The following FEZF1 variants were observed in gnomAD, a reference collection of about 807,000 sequenced individuals.
FEZF1 encodes the protein fez family zinc finger protein 1.
FEZF1 carries 8 observed loss-of-function variants against 32.4 expected under a neutral mutation model. That is an observed-to-expected ratio of 0.25 (90% CI 0.15 to 0.45). FEZF1 has a LOEUF of 0.45. Among genes scored for constraint, FEZF1 ranks in the 20% least tolerant of loss-of-function variants. The pLI is 1.00. For missense variants in FEZF1, 546 were observed against 622.3 expected (o/e 0.88, Z 1.31); for synonymous variants, 259 against 265.2 (o/e 0.98, Z 0.23).
chr7:122,309,495 G>A (rs2031369305), upstream of FEZF1: 1 of 152,200 alleles, frequency 6.6e-6, no homozygotes. Context: ...TGTTAATGAG[G>A]TGGCAGGCAA....
Position 122,301,897 on chromosome 7 carries a change from C to T in FEZF1, c.*100G>A, listed in dbSNP as rs1185656304. 5 of 1,489,166 alleles carry T rather than the reference C, an allele frequency of 3.4e-6. No homozygotes were observed. The African/African-American group carries it at 7.0e-5, about 21-fold the overall frequency. The allele number at this position is 1,489,166 out of a possible 1,614,324, so 92.2% of individuals were successfully genotyped here. ...GTCGGCCCTGAAGTGTGGGGCCCAACATGCCCTGGGGTCTGCAGACGAACT... is the reference window on the plus strand; with the variant it reads ...GTCGGCCCTGAAGTGTGGGGCCCAATATGCCCTGGGGTCTGCAGACGAACT... On this transcript the variant is annotated 3_prime_UTR_variant, in exon 4 of 4. Coordinates refer to ENST00000442488, the MANE Select transcript of FEZF1 (RefSeq NM_001024613.4).
At position 122,302,977 on chromosome 7, in the gene FEZF1, T is replaced by G. The variant is rs2031100008; in HGVS notation, c.937-46A>C. 1 of 1,570,334 alleles carries G rather than the reference T, an allele frequency of 6.4e-7. No individual in the cohort carries two copies. Among genetic ancestry groups the G allele is most frequent in the African/African-American group, 1.4e-5 (1 of 73,320 alleles). Reference sequence around the variant, plus strand: ...GCAGAGACATTTAGATATTTTCTAATTATGTGAAGTTCTGCAAGCTCAAAA... The same window carrying G: ...GCAGAGACATTTAGATATTTTCTAAGTATGTGAAGTTCTGCAAGCTCAAAA... On this transcript the variant is annotated intron_variant, in intron 2 of 3. Coordinates refer to ENST00000442488, the MANE Select transcript of FEZF1 (RefSeq NM_001024613.4). This position sits in a 1 kb window ranked among gnomAD's most constrained non-coding sequence, Gnocchi z 4.4.
chr7:122,302,082 T>G lies in FEZF1; in HGVS notation c.1343A>C (p.Gln448Pro), dbSNP rs561681709. Residue 448 changes from glutamine (Q) to proline (P), a missense_variant, in exon 4 of 4, where the codon CAG becomes CCG. Physicochemically the swap from Gln to Pro is moderately conservative, Grantham distance 76. Transcript: ENST00000442488. This position sits in a 1 kb window ranked among gnomAD's most constrained non-coding sequence, Gnocchi z 4.4. ...GTEPPPPLPQ[Q>P]PPMTLPPLQP... Reference sequence around the variant, plus strand: ...CAGAGGAGGCAGCGTCATCGGCGGCTGCTGCGGTAGCGGGGGCGGCGGTTC... The same window carrying G: ...CAGAGGAGGCAGCGTCATCGGCGGCGGCTGCGGTAGCGGGGGCGGCGGTTC... 126 of 1,608,904 alleles carry G rather than the reference T, an allele frequency of 7.8e-5. No individual in the cohort carries two copies. Among genetic ancestry groups the G allele is most frequent in the Non-Finnish European group, 9.9e-5 (117 of 1,178,828 alleles).
Position 122,302,263 on chromosome 7 carries a change from T to C in FEZF1, c.1162A>G (p.Thr388Ala). ...NKAFHQVYNL[T>A]FHMHTHNDKK... The stretch of plus-strand genomic sequence containing the variant: ...TCGTTGTGGGTGTGCATGTGGAAGG[T>C]GAGGTTGTAAACCTGGTGGAAAGCC... The change falls in exon 4 of 4, where the codon ACC becomes GCC. Residue 388 changes from threonine to alanine, a missense_variant. Thr to Ala is a moderately conservative substitution (Grantham distance 58). Coordinates refer to ENST00000442488, the MANE Select transcript of FEZF1 (RefSeq NM_001024613.4). This position sits in a 1 kb window ranked among gnomAD's most constrained non-coding sequence, Gnocchi z 4.4. 6.2e-7 allele frequency: 1 copy of C among 1,614,098 alleles called. No homozygotes were observed. Among genetic ancestry groups the C allele is most frequent in the South Asian group, 1.1e-5 (1 of 91,084 alleles).
chr7:122,301,736 A>G lies in FEZF1; in HGVS notation c.*261T>C, dbSNP rs2031039398. On this transcript the variant is annotated 3_prime_UTR_variant, in exon 4 of 4. Coordinates refer to ENST00000442488, the MANE Select transcript of FEZF1 (RefSeq NM_001024613.4). The stretch of plus-strand genomic sequence containing the variant: ...AAAAGTCTTTCCAAATTAAAAAAAA[A>G]GAAAAAGAAAAACAGAAAACAAGCA... The G allele has an allele frequency of 4.9e-6, 2 of 407,194 alleles. No homozygotes were observed. The highest frequency in any genetic ancestry group is 7.4e-5 in the East Asian group (2 of 26,846). 25.2% of individuals were successfully genotyped at this position (407,194 alleles called of 1,614,324 possible).
Position 122,303,690 on chromosome 7 carries a change from G to C in FEZF1, c.748C>G (p.Arg250Gly), listed in dbSNP as rs541060829. Reference sequence around the variant, plus strand: ...TTGGGCTTGGCATTAGGAGAGCCTCGGCTGAAATCCGAGGTTTTGAACGCG... The same window carrying C: ...TTGGGCTTGGCATTAGGAGAGCCTCCGCTGAAATCCGAGGTTTTGAACGCG... ...KIAFKTSDFSRGSPNAKPKVF... is the reference protein window; with the variant it reads ...KIAFKTSDFSGGSPNAKPKVF... Residue 250 changes from arginine to glycine, a missense_variant, in exon 1 of 4, where the codon CGA becomes GGA. Transcript: ENST00000442488. The C allele has an allele frequency of 7.2e-5, 116 of 1,614,122 alleles. No homozygotes were observed. The East Asian group carries it at 2.1e-3, about 29-fold the overall frequency.
At position 122,301,727 on chromosome 7, in the gene FEZF1, T is replaced by TAA. The variant is rs201400828; in HGVS notation, c.*268_*269dup. On this transcript the variant is annotated 3_prime_UTR_variant, in exon 4 of 4. Coordinates refer to ENST00000442488, the MANE Select transcript of FEZF1 (RefSeq NM_001024613.4). ...CCCAAGATGAAAAGTCTTTCCAAAT[T>TAA]AAAAAAAAAGAAAAAGAAAAACAGA... 4.6e-5 allele frequency: 18 copies of TAA among 388,606 alleles called. No homozygotes were observed. Among genetic ancestry groups the TAA allele is most frequent in the African/African-American group, 2.5e-4 (12 of 47,446 alleles). 24.1% of individuals were successfully genotyped at this position (388,606 alleles called of 1,614,324 possible).
Position 122,301,828 on chromosome 7 carries a change from G to T in FEZF1, c.*169C>A. The T allele has an allele frequency of 5.0e-6, 4 of 799,136 alleles. No homozygotes were observed. The highest frequency in any genetic ancestry group is 2.6e-5 in the East Asian group (1 of 37,828). The allele number at this position is 799,136 out of a possible 1,614,324, so 49.5% of individuals were successfully genotyped here. Reference sequence around the variant, plus strand: ...ATATAATACACAAAACCATTTAGCAGGTGCATGCAAGAGGCGAAAGGCCAG... The same window carrying T: ...ATATAATACACAAAACCATTTAGCATGTGCATGCAAGAGGCGAAAGGCCAG... On this transcript the variant is annotated 3_prime_UTR_variant, in exon 4 of 4. Transcript: ENST00000442488.
In FEZF1 at chr7:122,303,406, A is replaced by G. The variant is rs796594929; in HGVS notation, c.802-95T>C. 6.8e-6 allele frequency: 10 copies of G among 1,470,520 alleles called. No homozygotes were observed. In the African/African-American group the frequency reaches 1.4e-4, roughly 21 times the overall value. The allele number at this position is 1,470,520 out of a possible 1,614,324, so 91.1% of individuals were successfully genotyped here. A position where few individuals can be genotyped will look rare whatever the true frequency, so the allele number is the denominator to read the frequency against. On this transcript the variant is annotated intron_variant, in intron 1 of 3. Coordinates refer to ENST00000442488, the MANE Select transcript of FEZF1 (RefSeq NM_001024613.4). ...GGGTAGGAGGAAGAGAATCTTAACAAAAAGTGTATGCAAATAATTACCCCC... is the reference window on the plus strand; with the variant it reads ...GGGTAGGAGGAAGAGAATCTTAACAGAAAGTGTATGCAAATAATTACCCCC...
At position 122,301,873 on chromosome 7, in the gene FEZF1, T is replaced by G; in HGVS notation, c.*124A>C. Reference sequence around the variant, plus strand: ...GGCCAGGGGATGCAGAGGCTTCTGGTCGGCCCTGAAGTGTGGGGCCCAACA... The same window carrying G: ...GGCCAGGGGATGCAGAGGCTTCTGGGCGGCCCTGAAGTGTGGGGCCCAACA... On this transcript the variant is annotated 3_prime_UTR_variant, in exon 4 of 4. Transcript: ENST00000442488. 1 of 1,356,558 alleles carries G rather than the reference T, an allele frequency of 7.4e-7. No homozygotes were observed. The highest frequency in any genetic ancestry group is 9.9e-7 in the Non-Finnish European group (1 of 1,015,074). The allele number at this position is 1,356,558 out of a possible 1,614,324, so 84.0% of individuals were successfully genotyped here.
Position 122,302,172 on chromosome 7 carries a change from T to A in FEZF1, c.1253A>T (p.His418Leu). 6.2e-7 allele frequency: 1 copy of A among 1,614,210 alleles called. No homozygotes were observed. Among genetic ancestry groups the A allele is most frequent in the Non-Finnish European group, 8.5e-7 (1 of 1,180,030 alleles). The stretch of plus-strand genomic sequence containing the variant: ...GCTGCTGTCGTGCAGCTTGCGGACA[T>A]GCTTCTTGAGGTCAAAGTTCCTGCA... ...GFCRNFDLKK[H>L]VRKLHDSSLG... Residue 418 changes from histidine to leucine, a missense_variant, in exon 4 of 4, where the codon CAT becomes CTT. His to Leu is a moderately conservative substitution (Grantham distance 99, BLOSUM62 -3). Coordinates refer to ENST00000442488, the MANE Select transcript of FEZF1 (RefSeq NM_001024613.4). This position sits in a 1 kb window ranked among gnomAD's most constrained non-coding sequence, Gnocchi z 4.4.
At position 122,304,032 on chromosome 7, in the gene FEZF1, G is replaced by A; in HGVS notation, c.406C>T (p.Leu136=). 6.4e-7 allele frequency: 1 copy of A among 1,559,832 alleles called. No individual in the cohort carries two copies. ...SLKGDLARDA[L]PLQQYKLVRP... Reference sequence around the variant, plus strand: ...ACCAGCTTGTACTGCTGCAGCGGCAGCGCGTCGCGGGCCAGGTCGCCCTTG... The same window carrying A: ...ACCAGCTTGTACTGCTGCAGCGGCAACGCGTCGCGGGCCAGGTCGCCCTTG... Residue 136 remains leucine (L), a synonymous_variant, in exon 1 of 4, where the codon CTG becomes TTG. Transcript: ENST00000442488.
rs2031086055 is a variant in FEZF1, at chr7:122,302,638, T to C, written c.1069+161A>G. ...ACATATACCCTTGTTTTATGAATCATGCTTTTCTCTAATACTAATCAGACT... is the reference window on the plus strand; with the variant it reads ...ACATATACCCTTGTTTTATGAATCACGCTTTTCTCTAATACTAATCAGACT... On this transcript the variant is annotated intron_variant, in intron 3 of 3. Transcript: ENST00000442488. The surrounding 1 kb of genome is among the most constrained non-coding windows in gnomAD (Gnocchi z 4.4). 6.6e-6 allele frequency among the ~76,000 whole-genome samples: 1 copy of C among 152,244 alleles called. No individual in the cohort carries two copies. Among genetic ancestry groups the C allele is most frequent in the Admixed American group, 6.5e-5 (1 of 15,286 alleles).
upstream of FEZF1, among the ~76,000 whole-genome samples, chr7:122,309,053 G>T (rs1384176969): frequency 6.6e-6 from 1 of 152,148 alleles, no homozygotes; most frequent in Non-Finnish European, 1.5e-5. Flanking sequence ...CAGGGTGACG[G>T]GATGGGACAC....
intron 1 of FEZF1, chr7:122,309,976 C>A (rs1191993965): frequency 6.6e-6 from 1 of 152,188 alleles, no homozygotes; most frequent in Non-Finnish European, 1.5e-5. Flanking sequence ...AGACACGGTT[C>A]GACTGTTTCC....
rs1478844173 is a variant in FEZF1, at chr7:122,302,133, C to A, written c.1292G>T (p.Arg431Leu). ...AGTGCCTGGTTCGCCAGCTGGCGTG[C>A]GGGCCAGCCCCAGGCTGCTGTCGTG... ...KLHDSSLGLA[R>L]TPAGEPGTEP... Residue 431 changes from arginine to leucine, a missense_variant, in exon 4 of 4, where the codon CGC (arginine) becomes CTC (leucine). Coordinates refer to ENST00000442488, the MANE Select transcript of FEZF1 (RefSeq NM_001024613.4). The surrounding 1 kb of genome is among the most constrained non-coding windows in gnomAD (Gnocchi z 4.4). The A allele has an allele frequency of 9.3e-6, 15 of 1,613,890 alleles. No individual in the cohort carries two copies. The highest frequency in any genetic ancestry group is 5.0e-5 in the Admixed American group (3 of 60,000).
In FEZF1 at chr7:122,304,485, T is replaced by C; in HGVS notation, c.-48A>G. ...AGCCGGGGCTGGGTTGCGCCGTCCG[T>C]TGCCTTGTTCCCTGCTTGTCACAGA... is the stretch of plus-strand genomic sequence containing the variant. On this transcript the variant is annotated 5_prime_UTR_variant, in exon 1 of 4. Coordinates refer to ENST00000442488, the MANE Select transcript of FEZF1 (RefSeq NM_001024613.4). The C allele has an allele frequency of 1.3e-6, 2 of 1,486,438 alleles. No individual in the cohort carries two copies. Among genetic ancestry groups the C allele is most frequent in the Non-Finnish European group, 1.8e-6 (2 of 1,106,248 alleles). 92.1% of individuals were successfully genotyped at this position (1,486,438 alleles called of 1,614,324 possible).
rs543502556 is a variant in FEZF1 at position 122,304,454 on chromosome 7, T to C, written c.-17A>G. 285 of 1,536,232 alleles carry C rather than the reference T, an allele frequency of 1.9e-4. No individual in the cohort carries two copies. The highest frequency in any genetic ancestry group is 2.2e-4 in the Non-Finnish European group (255 of 1,135,890). Reference sequence around the variant, plus strand: ...ACTGTCCATGTCTGAGTCGCCAGCGTCCGTCAGCCGGGGCTGGGTTGCGCC... The same window carrying C: ...ACTGTCCATGTCTGAGTCGCCAGCGCCCGTCAGCCGGGGCTGGGTTGCGCC... On this transcript the variant is annotated 5_prime_UTR_variant, in exon 1 of 4. Transcript: ENST00000442488.
chr7:122,303,329 G>A lies in FEZF1; in HGVS notation c.802-18C>T, dbSNP rs760334263. On this transcript the variant is annotated intron_variant, in intron 1 of 3. Coordinates refer to ENST00000442488, the MANE Select transcript of FEZF1 (RefSeq NM_001024613.4). Reference sequence around the variant, plus strand: ...TTAAAGACCTTAAAATTAAACACACGTAGAACAGGTTAGCCGCACAAGTAA... The same window carrying A: ...TTAAAGACCTTAAAATTAAACACACATAGAACAGGTTAGCCGCACAAGTAA... 1.2e-6 allele frequency: 2 copies of A among 1,613,250 alleles called. No individual in the cohort carries two copies. Among genetic ancestry groups the A allele is most frequent in the South Asian group, 1.1e-5 (1 of 91,022 alleles).
Sources: allele counts gnomAD v4.1 joint callset (sites outside exome capture counted in the v4.1 genomes callset), GRCh38; gene constraint gnomAD v4.1.1; non-coding constraint Gnocchi (gnomAD v3.1); transcripts MANE v1.5; gene names NCBI Gene and HGNC (gene_info 2026-07-23, HGNC 2026-07-21).